Variants in PPP2R3B observed in about 807,000 individuals in gnomAD.
The protein encoded by PPP2R3B is protein phosphatase 2 regulatory subunit B''beta, also known as serine/threonine-protein phosphatase 2A regulatory subunit B'' subunit beta.
Under a neutral mutation model 72.9 loss-of-function variants are expected in PPP2R3B, and 68 were observed. The observed-to-expected ratio is 0.93, with a 90% confidence interval of 0.77 to 1.14. The LOEUF (loss-of-function observed/expected upper bound fraction) is 1.14. PPP2R3B is among the 50% of genes most tolerant of loss of function. The pLI is 0.00. For missense variants in PPP2R3B, 1,018 were observed against 842.0 expected, an observed-to-expected ratio of 1.21 and a Z score of -2.59; for synonymous variants, 466 against 375.8, an observed-to-expected ratio of 1.24 and a Z score of -2.78.
At chrX:372,093 C>G (rs892478791) in intron 1 of PPP2R3B, among the ~76,000 whole-genome samples, 3 of 152,172 alleles carry the variant, frequency 2.0e-5, no homozygotes, top group Admixed American at 2.0e-4. Context: ...GCGAGCTAAT[C>G]ACCTCATTGA....
At chrX:379,161 A>G (rs1372328305) in intron 1 of PPP2R3B, among the ~76,000 whole-genome samples, 2 of 147,100 alleles carry the variant, frequency 1.4e-5, no homozygotes, top group Non-Finnish European at 3.0e-5. Context: ...CTATGTGTGC[A>G]TGTACCTGTG....
At chrX:339,043 G>T (rs1348000174) in intron 10 of PPP2R3B, 147 bp from the exon 11 acceptor site, 5 of 739,396 alleles carry the variant, frequency 6.8e-6, no homozygotes, top group East Asian at 5.0e-5. Flanking sequence ...GTGAAAGGCG[G>T]ACACGCGAGT....
chrX:361,468 C>A lies in PPP2R3B; in HGVS notation c.447G>T (p.Glu149Asp). ...VNVDAVISKI[E>D]STFARFPHER... is the part of the protein sequence containing the mutation. The stretch of plus-strand genomic sequence containing the variant: ...CGTGGGGGAACCGGGCGAAGGTGCT[C>A]TCGATCTTGCTGATGACGGCATCCA... Residue 149 changes from glutamate (E) to aspartate (D), a missense_variant, in exon 2 of 13, where the codon GAG (glutamate) becomes GAT (aspartate). Coordinates refer to ENST00000390665, the MANE Select transcript of PPP2R3B (RefSeq NM_013239.5). 6.2e-7 allele frequency: 1 copy of A among 1,613,988 alleles called. No homozygotes were observed. The highest frequency in any genetic ancestry group is 8.5e-7 in the Non-Finnish European group (1 of 1,179,866).
intron 1 of PPP2R3B, among the ~76,000 whole-genome samples, chrX:363,257 G>GCATCTCCCCGAGCCCACC (rs2071582940): frequency 3.0e-5 from 3 of 101,640 alleles, no homozygotes; most frequent in East Asian, 2.8e-4. Flanking sequence ...CCGAGCCCAT[G>GCATCTCCCCGAGCCCACC]ATCCCGCAGT....
intron 1 of PPP2R3B, 111 bp downstream of exon 1, chrX:386,257 A>C: frequency 2.2e-6 from 2 of 917,904 alleles, no homozygotes; most frequent in African/African-American, 1.7e-5. Context: ...ACTCAATATG[A>C]AACCGTTTTG....
intron 1 of PPP2R3B, among the ~76,000 whole-genome samples, chrX:379,850 T>G (rs2072085801): frequency 6.6e-6 from 1 of 152,250 alleles, no homozygotes; most frequent in African/African-American, 2.4e-5. Flanking sequence ...AGAACAGGCT[T>G]GGACTCACAG....
intron 2 of PPP2R3B, among the ~76,000 whole-genome samples, chrX:351,338 T>A (rs2071328835): frequency 6.6e-6 from 1 of 152,122 alleles, no homozygotes; most frequent in Admixed American, 6.5e-5. Flanking sequence ...CCGTGCAGGT[T>A]TCAAACCCCA....
rs528416013 is a variant in PPP2R3B at position 356,231 on chromosome X, G to A, written c.510+5174C>T. Among the ~76,000 whole-genome samples the A allele has an allele frequency of 3.9e-5, 6 of 152,206 alleles. No individual in the cohort carries two copies. In the South Asian group the frequency reaches 8.3e-4, roughly 21 times the overall value. On this transcript the variant is annotated intron_variant, in intron 2 of 12. Transcript: ENST00000390665. ...GGTTTTTTGTTTTTTGTTTTTTTGC[G>A]TAGAGACACAGTCTTGCTCAGTCGC...
intron 2 of PPP2R3B, among the ~76,000 whole-genome samples, chrX:356,150 G>A (rs1459381466): frequency 2.6e-5 from 4 of 152,354 alleles, no homozygotes; most frequent in African/African-American, 4.8e-5. Flanking sequence ...CCACGTGCCC[G>A]CAGGGGTCAA....
chrX:347,906 C>T, intron 2 of PPP2R3B: 1 of 546,566 alleles, frequency 1.8e-6, no homozygotes, highest in Non-Finnish European at 3.2e-6. Context: ...GAGTGCCGGG[C>T]ACGCAGTATC....
chrX:335,280 G>C (rs768610572), intron 12 of PPP2R3B: 3 of 152,446 alleles, frequency 2.0e-5, no homozygotes, highest in Admixed American at 6.5e-5. Flanking sequence ...ACAGACGGTG[G>C]TGGGGACAGG....
chrX:384,280 CTCTA>C (rs1454167441), intron 1 of PPP2R3B, among the ~76,000 whole-genome samples: 25 of 146,282 alleles, frequency 1.7e-4, no homozygotes, highest in Non-Finnish European at 2.5e-4. Flanking sequence ...CTCTCTCTCT[CTCTA>C]TATATATATA....
At chrX:341,828 G>A in intron 8 of PPP2R3B, 55 bp downstream of exon 8, 1 of 1,586,996 alleles carries the variant, frequency 6.3e-7, no homozygotes, top group South Asian at 1.1e-5. Context: ...TGAGGAGAGG[G>A]ACCGGGGTCC....
chrX:368,785 G>GAT, intron 1 of PPP2R3B, among the ~76,000 whole-genome samples: 1 of 100,874 alleles, frequency 9.9e-6, no homozygotes, highest in African/African-American at 4.4e-5. Context: ...CACCGACACG[G>GAT]GGAAGGCCGG....
At chrX:371,286 A>G (rs1337908425) in intron 1 of PPP2R3B, among the ~76,000 whole-genome samples, 1 of 151,868 alleles carries the variant, frequency 6.6e-6, no homozygotes, top group Non-Finnish European at 1.5e-5. Context: ...CCACGGTGAG[A>G]GTACGTGTAA....
rs766611327 is a variant in PPP2R3B at position 338,601 on chromosome X, C to T, written c.1577+3G>A. ...CCCCCACTCACCCGTCCTCCCCACTCACCCGTCCTCCCAGGGCTCTCCCGC... is the reference window on the plus strand; with the variant it reads ...CCCCCACTCACCCGTCCTCCCCACTTACCCGTCCTCCCAGGGCTCTCCCGC... On this transcript the variant is annotated splice_donor_region_variant and intron_variant, in intron 12 of 12. Transcript: ENST00000390665. 4.5e-5 allele frequency: 72 copies of T among 1,605,822 alleles called. 1 individual carries two copies. In the South Asian group the frequency reaches 7.9e-4, roughly 18 times the overall value.
chrX:344,884 G>A (rs1297646787), intron 7 of PPP2R3B: 1 of 337,904 alleles, frequency 3.0e-6, no homozygotes, highest in South Asian at 2.3e-5. Flanking sequence ...CACAACAGAT[G>A]CCACCGTAAT....
In PPP2R3B at chrX:341,718, C is replaced by CT. The variant is rs781295603; in HGVS notation, c.1085+164_1085+165insA. ...GTGACAGTCTTGTGCCACCCCCCCCCACTAGGGATTCACGTGACAGAGACA... is the reference window on the plus strand; with the variant it reads ...GTGACAGTCTTGTGCCACCCCCCCCCTACTAGGGATTCACGTGACAGAGACA... On this transcript the variant is annotated intron_variant, in intron 8 of 12. Coordinates refer to ENST00000390665, the MANE Select transcript of PPP2R3B (RefSeq NM_013239.5). 1.2e-4 allele frequency: 96 copies of CT among 797,592 alleles called. No homozygotes were observed. The East Asian group carries it at 1.6e-3, about 14-fold the overall frequency. The allele number at this position is 797,592 out of a possible 1,614,324, so 49.4% of individuals were successfully genotyped here.
At chrX:375,827 G>GCCCTGTCCTGCCACGCTGGGTGACACACT (rs1453407542) in intron 1 of PPP2R3B, among the ~76,000 whole-genome samples, 8 of 152,144 alleles carry the variant, frequency 5.3e-5, no homozygotes, top group Non-Finnish European at 8.8e-5. Context: ...GGTGACACAC[G>GCCCTGTCCTGCCACGCTGGGTGACACACT]CCCTGTCCTG....
Sources: gnomAD v4.1 joint callset for allele counts (sites outside exome capture counted in the v4.1 genomes callset) on GRCh38, gnomAD v4.1.1 for gene constraint, MANE v1.5 for transcripts, NCBI Gene and HGNC (gene_info 2026-07-23, HGNC 2026-07-21) for gene names.